The following ZNF333 variants were observed in gnomAD, a reference collection of about 807,000 sequenced individuals.
ZNF333 encodes zinc finger protein 333.
ZNF333 carries 61 observed loss-of-function variants against 76.1 expected under a neutral mutation model. That is an observed-to-expected ratio of 0.80 (90% CI 0.65 to 0.99). The LOEUF is 0.99. Among genes scored for constraint, ZNF333 ranks in the 50% least tolerant of loss-of-function variants. The pLI, the probability that ZNF333 is intolerant of heterozygous loss-of-function variation, is 0.00. For missense variants in ZNF333, 717 were observed against 822.4 expected (o/e 0.87, Z 1.57); for synonymous variants, 284 against 305.0 (o/e 0.93, Z 0.72).
chr19:14,709,728 GGCAGCCATCT>G (rs1165012197), intron 7 of ZNF333, among the ~76,000 whole-genome samples: 3 of 152,254 alleles, frequency 2.0e-5, no homozygotes, highest in Non-Finnish European at 4.4e-5. Context: ...ACAGCCAGAA[GGCAGCCATCT>G]GCAAGCCAGG....
intron 4 of ZNF333, among the ~76,000 whole-genome samples, chr19:14,696,687 C>G (rs1973215364): frequency 1.3e-5 from 2 of 151,466 alleles, no homozygotes; most frequent in South Asian, 4.2e-4. Context: ...TAACTAACCC[C>G]CTTCTGAAGT....
At chr19:14,698,927 T>TAGATAGATATAGATAG (rs1973464840) in intron 4 of ZNF333, among the ~76,000 whole-genome samples, 2 of 126,810 alleles carry the variant, frequency 1.6e-5, no homozygotes, top group African/African-American at 3.0e-5. Flanking sequence ...TATATATATA[T>TAGATAGATATAGATAG]ATATATATAC....
downstream of ZNF333, among the ~76,000 whole-genome samples, chr19:14,726,125 A>G (rs1293321743): frequency 6.6e-6 from 1 of 152,092 alleles, no homozygotes; most frequent in Non-Finnish European, 1.5e-5. Flanking sequence ...ACCTGGAACC[A>G]CCAAAGCTTA....
In ZNF333 at chr19:14,720,725, C is replaced by T. The variant is rs937380376; in HGVS notation, c.*1400C>T. The T allele has an allele frequency of 6.1e-6, 6 of 985,092 alleles. No homozygotes were observed. In the Admixed American group the frequency reaches 1.8e-4, roughly 30 times the overall value. The allele number at this position is 985,092 out of a possible 1,614,324, so 61.0% of individuals were successfully genotyped here. A position where few individuals can be genotyped will look rare whatever the true frequency, so the allele number is the denominator to read the frequency against. ...ATGGTTGAAATCAATGTATTGTATT[C>T]TACAAATGTCTGCTAGATCAAGCAA... On this transcript the variant is annotated 3_prime_UTR_variant, in exon 12 of 12. Coordinates refer to ENST00000292530, the MANE Select transcript of ZNF333 (RefSeq NM_032433.4).
At chr19:14,707,269 G>A (rs2042138203) in intron 7 of ZNF333, 1 of 147,670 alleles carries the variant, frequency 6.8e-6, no homozygotes, top group South Asian at 2.2e-4. Context: ...AAAATTAGCT[G>A]TGCATGGTGC....
chr19:14,710,718 C>A (rs1039674456), intron 7 of ZNF333, among the ~76,000 whole-genome samples: 1 of 152,174 alleles, frequency 6.6e-6, no homozygotes, highest in Non-Finnish European at 1.5e-5. Flanking sequence ...GCGGAGGTTG[C>A]AGTGAACCAA....
exon 12 of ZNF333, chr19:14,731,931 C>G (rs1683741292): frequency 1.3e-5 from 2 of 152,164 alleles, no homozygotes; most frequent in African/African-American, 4.8e-5. Context: ...CTCTGACCTT[C>G]CTTCCCCAAC....
downstream of ZNF333, among the ~76,000 whole-genome samples, chr19:14,724,350 C>G (rs187253685): frequency 6.9e-4 from 105 of 152,314 alleles, no homozygotes; most frequent in African/African-American, 2.4e-3. Flanking sequence ...CTTACTGATT[C>G]ACTTGGGGAG....
intron 1 of ZNF333, among the ~76,000 whole-genome samples, chr19:14,692,349 A>G (rs1449133667): frequency 2.6e-5 from 4 of 152,160 alleles, no homozygotes; most frequent in Non-Finnish European, 5.9e-5. Context: ...TTGAGAGAAC[A>G]TTCCAGATGT....
intron 3 of ZNF333, among the ~76,000 whole-genome samples, chr19:14,695,365 C>T (rs1973101877): frequency 6.6e-6 from 1 of 152,134 alleles, no homozygotes; most frequent in Non-Finnish European, 1.5e-5. Context: ...CCCCTTGGGG[C>T]AGAGGGGAGG....
intron 11 of ZNF333, among the ~76,000 whole-genome samples, chr19:14,728,067 G>A (rs929747161): frequency 1.3e-5 from 2 of 152,180 alleles, no homozygotes; most frequent in African/African-American, 4.8e-5. Context: ...CTGAAAATTA[G>A]CCGGGTGTGG....
In ZNF333 at chr19:14,720,703, G is replaced by C; in HGVS notation, c.*1378G>C. The C allele has an allele frequency of 2.0e-6, 2 of 985,268 alleles. No homozygotes were observed. The highest frequency in any genetic ancestry group is 2.4e-6 in the Non-Finnish European group (2 of 829,900). 61.0% of individuals were successfully genotyped at this position (985,268 alleles called of 1,614,324 possible). On this transcript the variant is annotated 3_prime_UTR_variant, in exon 12 of 12. Transcript: ENST00000292530. Reference sequence around the variant, plus strand: ...AGTTTTTATAAATGCTTCATGGATGGTTGAAATCAATGTATTGTATTCTAC... The same window carrying C: ...AGTTTTTATAAATGCTTCATGGATGCTTGAAATCAATGTATTGTATTCTAC...
chr19:14,705,701 G>A (rs994660527), intron 6 of ZNF333, among the ~76,000 whole-genome samples: 1 of 152,222 alleles, frequency 6.6e-6, no homozygotes, highest in Non-Finnish European at 1.5e-5. Flanking sequence ...GGAGGTGAGC[G>A]GCGAGCATCC....
At chr19:14,698,003 C>G (rs564787713) in intron 4 of ZNF333, among the ~76,000 whole-genome samples, 29 of 152,078 alleles carry the variant, frequency 1.9e-4, no homozygotes, top group Non-Finnish European at 3.7e-4. Flanking sequence ...TCTCATTTTC[C>G]CCTCATTCCT....
At chr19:14,727,018 A>G (rs1465629594) in intron 11 of ZNF333, among the ~76,000 whole-genome samples, 1 of 145,974 alleles carries the variant, frequency 6.9e-6, no homozygotes, top group Non-Finnish European at 1.5e-5. Flanking sequence ...TTATAAAGAA[A>G]AGAGGCTTTT....
chr19:14,705,275 G>C, intron 6 of ZNF333, 105 bp downstream of exon 6: 2 of 968,270 alleles, frequency 2.1e-6, no homozygotes, highest in Non-Finnish European at 3.1e-6. Context: ...GAGGGTGTTT[G>C]GGGCCTGTAG....
chr19:14,726,279 A>AG (rs2147041449), downstream of ZNF333, among the ~76,000 whole-genome samples: 1 of 152,078 alleles, frequency 6.6e-6, no homozygotes, highest in African/African-American at 2.4e-5. Flanking sequence ...CCGCTAAATC[A>AG]TTCTTTTCTC....
Position 14,720,750 on chromosome 19 carries a change from A to G in ZNF333, c.*1425A>G. The G allele has an allele frequency of 1.0e-6, 1 of 984,790 alleles. No individual in the cohort carries two copies. Among genetic ancestry groups the G allele is most frequent in the Non-Finnish European group, 1.2e-6 (1 of 829,714 alleles). The allele number at this position is 984,790 out of a possible 1,614,324, so 61.0% of individuals were successfully genotyped here. A position where few individuals can be genotyped will look rare whatever the true frequency, so the allele number is the denominator to read the frequency against. ...CTACAAATGTCTGCTAGATCAAGCA[A>G]ATGTGTTTAAAAACCATCTACACAT... On this transcript the variant is annotated 3_prime_UTR_variant, in exon 12 of 12. Transcript: ENST00000292530.
intron 8 of ZNF333, among the ~76,000 whole-genome samples, chr19:14,715,758 A>G (rs558283208): frequency 7.9e-5 from 12 of 152,232 alleles, no homozygotes; most frequent in African/African-American, 1.7e-4. Flanking sequence ...GTCATTTTCC[A>G]GATAGTTCCC....
Sources: gnomAD v4.1 joint callset for allele counts (sites outside exome capture counted in the v4.1 genomes callset) on GRCh38, gnomAD v4.1.1 for gene constraint, MANE v1.5 for transcripts, NCBI Gene and HGNC (gene_info 2026-07-23, HGNC 2026-07-21) for gene names.